Variants in SHOX2 observed in about 807,000 individuals in gnomAD.
SHOX2 encodes SHOX homeobox 2.
A neutral mutation model predicts 31.3 loss-of-function variants in SHOX2; 13 were observed. That is an observed-to-expected ratio of 0.42 (90% CI 0.27 to 0.66). The LOEUF (loss-of-function observed/expected upper bound fraction) is 0.66. Ranked by LOEUF, SHOX2 falls within the 30% of genes least tolerant of loss-of-function variation. The pLI is 0.27. For missense variants in SHOX2, 473 were observed against 443.0 expected (o/e 1.07, Z -0.61); for synonymous variants, 244 against 196.2 (o/e 1.24, Z -2.04).
At chr3:158,105,355 G>T (rs1053753027) in intron 1 of SHOX2, 9 of 590,644 alleles carry the variant, frequency 1.5e-5, no homozygotes, top group Non-Finnish European at 2.4e-5. Context: ...TTCCACGTCC[G>T]CCTGCGGGCC....
Position 158,103,023 on chromosome 3 carries a change from C to T in SHOX2, c.347-137G>A, listed in dbSNP as rs552379114. The T allele has an allele frequency of 6.0e-6, 5 of 828,322 alleles. No individual in the cohort carries two copies. The African/African-American group carries it at 8.4e-5, about 14-fold the overall frequency. 51.3% of individuals were successfully genotyped at this position (828,322 alleles called of 1,614,324 possible). ...AAAAAAGAATAGAGAATCCTTCCCCCTCGTGGAATCCTGGTCCGGCTTCTC... is the reference window on the plus strand; with the variant it reads ...AAAAAAGAATAGAGAATCCTTCCCCTTCGTGGAATCCTGGTCCGGCTTCTC... On this transcript the variant is annotated intron_variant, in intron 1 of 4. Coordinates refer to ENST00000483851, the MANE Select transcript of SHOX2 (RefSeq NM_001163678.2).
chr3:158,106,009 C>T lies in SHOX2; in HGVS notation c.16G>A (p.Ala6Thr). The T allele has an allele frequency of 6.2e-7, 1 of 1,613,082 alleles. No individual in the cohort carries two copies. Among genetic ancestry groups the T allele is most frequent in the Non-Finnish European group, 8.5e-7 (1 of 1,179,694 alleles). MEELT[A>T]FVSKSFDQKV... is the part of the protein sequence containing the mutation. ...TGGTCAAAAGACTTGGAGACGAACG[C>T]CGTAAGTTCTTCCATCGCCGCCGCA... is the stretch of plus-strand genomic sequence containing the variant. Residue 6 changes from alanine to threonine, a missense_variant, in exon 1 of 5, where the codon GCG becomes ACG. This residue lies in a region of SHOX2 where 276 missense variants were observed against 230.0 expected (regional missense o/e 1.20). Transcript: ENST00000483851.
intron 4 of SHOX2, among the ~76,000 whole-genome samples, chr3:158,099,400 C>T (rs562297864): frequency 7.9e-5 from 12 of 152,200 alleles, no homozygotes; most frequent in South Asian, 6.2e-4. Context: ...AACAAAAGAA[C>T]GAAAAAACAA....
chr3:158,100,443 A>T, intron 2 of SHOX2, 132 bp from the exon 3 acceptor site: 1 of 592,876 alleles, frequency 1.7e-6, no homozygotes, highest in Non-Finnish European at 2.9e-6. Context: ...CAATCTTTGA[A>T]TTGTATAAAA....
chr3:158,097,915 G>T lies in SHOX2; in HGVS notation c.*112C>A. ...GGACGAGGGATGGTCAGTGAGGCGG[G>T]AAGAGGGCCGGCTCCCGAGGTCTCA... On this transcript the variant is annotated 3_prime_UTR_variant, in exon 5 of 5. Transcript: ENST00000483851. The T allele has an allele frequency of 7.4e-7, 1 of 1,359,162 alleles. No individual in the cohort carries two copies. The highest frequency in any genetic ancestry group is 1.0e-6 in the Non-Finnish European group (1 of 1,001,944). 84.2% of individuals were successfully genotyped at this position (1,359,162 alleles called of 1,614,324 possible).
At chr3:158,102,609 C>T in intron 2 of SHOX2, 69 bp downstream of exon 2, 1 of 1,295,740 alleles carries the variant, frequency 7.7e-7, no homozygotes, top group Non-Finnish European at 1.1e-6. Flanking sequence ...CGAGTGTGTC[C>T]CCCAAGCCTC....
Position 158,097,910 on chromosome 3 carries a change from G to C in SHOX2, c.*117C>G. On this transcript the variant is annotated 3_prime_UTR_variant, in exon 5 of 5. Coordinates refer to ENST00000483851, the MANE Select transcript of SHOX2 (RefSeq NM_001163678.2). ...ATAGGGGACGAGGGATGGTCAGTGA[G>C]GCGGGAAGAGGGCCGGCTCCCGAGG... 1 of 1,302,542 alleles carries C rather than the reference G, an allele frequency of 7.7e-7. No homozygotes were observed. The highest frequency in any genetic ancestry group is 1.1e-6 in the Non-Finnish European group (1 of 950,766). 80.7% of individuals were successfully genotyped at this position (1,302,542 alleles called of 1,614,324 possible).
At chr3:158,105,212 A>G (rs1009000726) in intron 1 of SHOX2, 246 of 824,598 alleles carry the variant, frequency 3.0e-4, no homozygotes, top group Non-Finnish European at 1.6e-4. Context: ...TGGCGGCCCC[A>G]AACACCTAGG....
intron 4 of SHOX2, among the ~76,000 whole-genome samples, chr3:158,098,977 T>C (rs771606740): frequency 6.7e-6 from 1 of 149,394 alleles, no homozygotes. Flanking sequence ...TCATTCTCTC[T>C]TGTTTCCAAA....
At position 158,102,853 on chromosome 3, in the gene SHOX2, G is replaced by T. The variant is rs747319392; in HGVS notation, c.380C>A (p.Ala127Glu). The change falls in exon 2 of 5, where the codon GCG becomes GAG. Residue 127 changes from alanine to glutamate, a missense_variant. Transcript: ENST00000483851. ...SPELKDRKEDAKGMEDEGQTK... is the reference protein window; with the variant it reads ...SPELKDRKEDEKGMEDEGQTK... Reference sequence around the variant, plus strand: ...CTGGCCTTCGTCCTCCATCCCTTTCGCATCCTCTTTGCGATCTTTCAGCTC... The same window carrying T: ...CTGGCCTTCGTCCTCCATCCCTTTCTCATCCTCTTTGCGATCTTTCAGCTC... 4 of 1,613,898 alleles carry T rather than the reference G, an allele frequency of 2.5e-6. No individual in the cohort carries two copies. The South Asian group carries it at 4.4e-5, about 18-fold the overall frequency.
intron 2 of SHOX2, among the ~76,000 whole-genome samples, chr3:158,102,296 T>C (rs1224877239): frequency 6.6e-6 from 1 of 152,190 alleles, no homozygotes; most frequent in African/African-American, 2.4e-5. Context: ...AAATACTCTT[T>C]GGAACTTTTA....
At position 158,106,043 on chromosome 3, in the gene SHOX2, C is replaced by G. The variant is rs1436480487; in HGVS notation, c.-19G>C. On this transcript the variant is annotated 5_prime_UTR_variant, in exon 1 of 5. Coordinates refer to ENST00000483851, the MANE Select transcript of SHOX2 (RefSeq NM_001163678.2). The stretch of plus-strand genomic sequence containing the variant: ...CTTCCATCGCCGCCGCACGTCAGCC[C>G]GGCGCTCAACCTCTGCCAGCAGAGC... The G allele has an allele frequency of 6.2e-7, 1 of 1,611,834 alleles. No individual in the cohort carries two copies.
rs1191940733 is a variant in SHOX2 at position 158,104,984 on chromosome 3, G to A, written c.346+695C>T. On this transcript the variant is annotated intron_variant, in intron 1 of 4. Coordinates refer to ENST00000483851, the MANE Select transcript of SHOX2 (RefSeq NM_001163678.2). ...TAAGAGAACCGAGTACTGGGTGATT[G>A]AAAACACTAAAGGAATTGTGTAAAT... The A allele has an allele frequency of 6.0e-6, 5 of 827,568 alleles. No individual in the cohort carries two copies. The East Asian group carries it at 1.5e-4, about 25-fold the overall frequency. 51.3% of individuals were successfully genotyped at this position (827,568 alleles called of 1,614,324 possible).
chr3:158,100,255 T>A lies in SHOX2; in HGVS notation c.612A>T (p.Lys204Asn). The A allele has an allele frequency of 6.3e-7, 1 of 1,599,302 alleles. No individual in the cohort carries two copies. The highest frequency in any genetic ancestry group is 1.1e-5 in the South Asian group (1 of 87,924). Residue 204 changes from lysine to asparagine, a missense_variant and splice_region_variant, in exon 3 of 5, where the codon AAA (lysine) becomes AAT (asparagine). Around this residue, in one of 3 missense-constraint regions of SHOX2, gnomAD observed 182 missense variants for 167.2 expected, o/e 1.09. Transcript: ENST00000483851. The stretch of plus-strand genomic sequence containing the variant: ...ATGTTCCTTGTATAAGAAGCATACC[T>A]TTATGGAGTTGATTTTCTTGTTTTC... ...KCRKQENQLH[K>N]GVLIGAASQF...
chr3:158,105,287 C>T (rs1256150329), intron 1 of SHOX2: 2 of 621,444 alleles, frequency 3.2e-6, no homozygotes, highest in East Asian at 2.7e-5. Context: ...GCGCTAGAGG[C>T]TAGCTTTAGT....
chr3:158,104,627 C>A (rs1713737077), intron 1 of SHOX2, among the ~76,000 whole-genome samples: 1 of 152,174 alleles, frequency 6.6e-6, no homozygotes. Flanking sequence ...ACAGTGGATG[C>A]CACTCAAAGT....
chr3:158,104,362 G>A (rs1194902846), intron 1 of SHOX2, among the ~76,000 whole-genome samples: 1 of 152,272 alleles, frequency 6.6e-6, no homozygotes, highest in Non-Finnish European at 1.5e-5. Context: ...TTTGGAGGAA[G>A]AAGAGTCGCT....
Position 158,106,142 on chromosome 3 carries a change from G to A in SHOX2, c.-118C>T. The A allele has an allele frequency of 6.7e-7, 1 of 1,498,316 alleles. No individual in the cohort carries two copies. The highest frequency in any genetic ancestry group is 9.0e-7 in the Non-Finnish European group (1 of 1,115,634). The allele number at this position is 1,498,316 out of a possible 1,614,324, so 92.8% of individuals were successfully genotyped here. A position where few individuals can be genotyped will look rare whatever the true frequency, so the allele number is the denominator to read the frequency against. On this transcript the variant is annotated 5_prime_UTR_variant, in exon 1 of 5. Coordinates refer to ENST00000483851, the MANE Select transcript of SHOX2 (RefSeq NM_001163678.2). ...TAATAACACATCAATGGGACAGGAG[G>A]TGGGGGAGGAGAGGGAGGAGGAGAA...
In SHOX2 at chr3:158,098,138, G is replaced by A; in HGVS notation, c.849C>T (p.Ser283=). 1.9e-6 allele frequency: 3 copies of A among 1,613,420 alleles called. No homozygotes were observed. The highest frequency in any genetic ancestry group is 2.5e-6 in the Non-Finnish European group (3 of 1,179,638). The change falls in exon 5 of 5, where the codon TCC becomes TCT. Residue 283 remains serine, a synonymous_variant. Transcript: ENST00000483851. ...PLATLAADSA[S]AASVVAAAAA... is the part of the protein sequence containing the mutation. ...CTGCGGCCGCCACTACCGAGGCGGC[G>A]GAAGCCGAATCCGCGGCCAGCGTGG...
Sources: allele counts gnomAD v4.1 joint callset (sites outside exome capture counted in the v4.1 genomes callset), GRCh38; gene constraint gnomAD v4.1.1; regional missense constraint gnomAD v4.1.1; transcripts MANE v1.5; gene names NCBI Gene and HGNC (gene_info 2026-07-23, HGNC 2026-07-21).